ADGRV1: variants seen among roughly 807,000 people sequenced by gnomAD.
ADGRV1 encodes the protein adhesion G protein-coupled receptor V1.
Under a neutral mutation model 596.2 loss-of-function variants are expected in ADGRV1, and 359 were observed. The observed-to-expected ratio is 0.60, with a 90% CI of 0.55 to 0.66. ADGRV1 has a LOEUF of 0.66. ADGRV1 is among the 30% of genes least tolerant of loss of function. The pLI is 0.00. For synonymous variants in ADGRV1, 2,681 were observed against 2,679.2 expected (o/e 1.00, Z -0.02); for missense variants, 7,274 against 7,575.6 (o/e 0.96, Z 1.48).
At chr5:90,686,591 C>T (rs1326684621) in intron 29 of ADGRV1, among the ~76,000 whole-genome samples, 1 of 152,066 alleles carries the variant, frequency 6.6e-6, no homozygotes, top group Non-Finnish European at 1.5e-5. Flanking sequence ...ATATGTGCCA[C>T]ATTTTCTTAA....
chr5:90,776,419 T>G (rs754387476), intron 60 of ADGRV1, 34 bp from the exon 61 acceptor site: 30 of 1,584,570 alleles, frequency 1.9e-5, no homozygotes, highest in Non-Finnish European at 2.5e-5. Flanking sequence ...TATGTGCACC[T>G]GCTACAAAGT....
chr5:90,787,278 T>C (rs1480295739), intron 67 of ADGRV1, among the ~76,000 whole-genome samples: 1 of 152,214 alleles, frequency 6.6e-6, no homozygotes, highest in Non-Finnish European at 1.5e-5. Context: ...AAAACTTTGT[T>C]TCTTATAACA....
chr5:90,944,075 G>A lies in ADGRV1; in HGVS notation c.17857-21340G>A, dbSNP rs1581591427. On this transcript the variant is annotated intron_variant, in intron 83 of 89. Coordinates refer to ENST00000405460, the MANE Select transcript of ADGRV1 (RefSeq NM_032119.4). The stretch of plus-strand genomic sequence containing the variant: ...TATCTTTCTAACATGGGAATTCTAT[G>A]AAGGCAAGCTTTAAGTCCATTTTAT... Among the ~76,000 whole-genome samples the A allele has an allele frequency of 2.6e-5, 4 of 152,242 alleles. 1 individual carries two copies. Among genetic ancestry groups the A allele is most frequent in the Admixed American group, 2.6e-4 (4 of 15,290 alleles).
At chr5:90,668,986 C>T (rs781387585) in intron 21 of ADGRV1, among the ~76,000 whole-genome samples, 2 of 152,138 alleles carry the variant, frequency 1.3e-5, no homozygotes, top group Non-Finnish European at 2.9e-5. Flanking sequence ...TTCTTAGTGT[C>T]TCTTTGGATC....
intron 83 of ADGRV1, among the ~76,000 whole-genome samples, chr5:90,916,166 A>AT (rs36015459): frequency 2.4e-4 from 36 of 148,674 alleles, no homozygotes; most frequent in East Asian, 5.9e-4. Context: ...GTTTTTATGG[A>AT]TTTTTTTTTT....
At chr5:90,592,058 GTGTGGAGAT>G (rs1759569250) in intron 1 of ADGRV1, among the ~76,000 whole-genome samples, 1 of 152,224 alleles carries the variant, frequency 6.6e-6, no homozygotes, top group Non-Finnish European at 1.5e-5. Flanking sequence ...ATGGAAAACA[GTGTGGAGAT>G]TCCTTAAAAG....
At chr5:90,733,091 G>T (rs1752761527) in intron 50 of ADGRV1, among the ~76,000 whole-genome samples, 1 of 152,158 alleles carries the variant, frequency 6.6e-6, no homozygotes, top group Admixed American at 6.5e-5. Context: ...CTTTAGCTGG[G>T]GTGAGAAATT....
chr5:90,805,220 C>A, intron 71 of ADGRV1, 64 bp from the exon 72 acceptor site: 1 of 1,409,794 alleles, frequency 7.1e-7, no homozygotes, highest in Non-Finnish European at 9.8e-7. Flanking sequence ...ACGTTTAACC[C>A]ATTCCTCAGA....
chr5:90,868,750 G>A (rs1001225452), intron 83 of ADGRV1, among the ~76,000 whole-genome samples: 11 of 151,284 alleles, frequency 7.3e-5, no homozygotes, highest in African/African-American at 2.7e-4. Flanking sequence ...TTAGTTGGGT[G>A]AATATGAATA....
At chr5:90,784,167 T>C in intron 67 of ADGRV1, 110 bp downstream of exon 67, 1 of 719,940 alleles carries the variant, frequency 1.4e-6, no homozygotes, top group Admixed American at 3.0e-5. Flanking sequence ...AATCAATATT[T>C]ATTAATTATC....
chr5:91,094,538 C>T (rs1315746078), intron 86 of ADGRV1, among the ~76,000 whole-genome samples: 2 of 151,526 alleles, frequency 1.3e-5, no homozygotes, highest in African/African-American at 2.4e-5. Flanking sequence ...GCTCTACCTA[C>T]GAAGCTGTCA....
At chr5:90,604,910 C>T (rs1457657393) in intron 1 of ADGRV1, among the ~76,000 whole-genome samples, 3 of 152,132 alleles carry the variant, frequency 2.0e-5, no homozygotes, top group Admixed American at 6.5e-5. Flanking sequence ...AGAGAGAAAG[C>T]ACAATTGAAA....
chr5:90,889,140 G>A (rs1174022053), intron 83 of ADGRV1, among the ~76,000 whole-genome samples: 1 of 152,034 alleles, frequency 6.6e-6, no homozygotes, highest in Non-Finnish European at 1.5e-5. Context: ...AACATTAAGA[G>A]TAATTAACAT....
At chr5:90,684,221 T>C in intron 28 of ADGRV1, 26 bp downstream of exon 28, 1 of 1,540,478 alleles carries the variant, frequency 6.5e-7, no homozygotes, top group Non-Finnish European at 8.7e-7. Context: ...TGTGTTATTA[T>C]TATTATTAGC....
intron 88 of ADGRV1, among the ~76,000 whole-genome samples, chr5:91,151,016 A>T (rs979455390): frequency 1.3e-5 from 2 of 152,170 alleles, no homozygotes; most frequent in African/African-American, 4.8e-5. Flanking sequence ...CCATTTTTTT[A>T]TAAGCTCATA....
chr5:90,977,033 T>G (rs1411472591), intron 84 of ADGRV1, among the ~76,000 whole-genome samples: 1 of 152,190 alleles, frequency 6.6e-6, no homozygotes, highest in Non-Finnish European at 1.5e-5. Flanking sequence ...TATTTATTCC[T>G]TGGTAGAAAG....
In ADGRV1 at chr5:91,129,323, T is replaced by C. The variant is rs527858787; in HGVS notation, c.18433-20707T>C. On this transcript the variant is annotated intron_variant, in intron 87 of 89. Coordinates refer to ENST00000405460, the MANE Select transcript of ADGRV1 (RefSeq NM_032119.4). ...CATGAGCAGGCTAAATTAGAAAGCA[T>C]TTTGGAAAAGGAAGAGTTCTCCCCT... Among the ~76,000 whole-genome samples the C allele has an allele frequency of 2.4e-3, 368 of 152,322 alleles. 2 individuals carry two copies. The highest frequency in any genetic ancestry group is 8.2e-3 in the African/African-American group (339 of 41,578).
At position 90,675,372 on chromosome 5, in the gene ADGRV1, A is replaced by G; in HGVS notation, c.5240A>G (p.Gln1747Arg). The G allele has an allele frequency of 6.2e-7, 1 of 1,613,886 alleles. No individual in the cohort carries two copies. The highest frequency in any genetic ancestry group is 8.5e-7 in the Non-Finnish European group (1 of 1,179,860). The change falls in exon 24 of 90, where the codon CAG becomes CGG. Residue 1747 changes from glutamine to arginine, a missense_variant. Around this residue, in one of 5 missense-constraint regions of ADGRV1, gnomAD observed 3,643 missense variants for 3,809.2 expected, o/e 0.96. Transcript: ENST00000405460. The stretch of plus-strand genomic sequence containing the variant: ...ATCAGGTTATTGGTCATCCGTGCAC[A>G]GGGACTTCTGGGAAGGGTGACTGCG... The part of the protein sequence containing the change: ...GEIRLLVIRA[Q>R]GLLGRVTAEF...
chr5:90,733,963 C>A (rs1287566907), intron 50 of ADGRV1, among the ~76,000 whole-genome samples: 1 of 152,028 alleles, frequency 6.6e-6, no homozygotes, highest in Non-Finnish European at 1.5e-5. Flanking sequence ...ATTGTTGTAC[C>A]CTTTGCTATG....
Sources: allele counts gnomAD v4.1 joint callset (sites outside exome capture counted in the v4.1 genomes callset), GRCh38; gene constraint gnomAD v4.1.1; regional missense constraint gnomAD v4.1.1; transcripts MANE v1.5; gene names NCBI Gene and HGNC (gene_info 2026-07-23, HGNC 2026-07-21).